The following ITGAL variants were observed in gnomAD, a reference collection of about 807,000 sequenced individuals.
ITGAL encodes integrin alpha-L.
In ITGAL, 68 loss-of-function variants were observed where a neutral mutation model predicts 138.4. The observed-to-expected ratio is 0.49, with a 90% CI of 0.40 to 0.60. ITGAL has a LOEUF of 0.60. Among genes scored for constraint, ITGAL ranks in the 20% least tolerant of loss-of-function variants. The pLI is 0.00. For missense variants in ITGAL, 1,256 were observed against 1,478.6 expected, an observed-to-expected ratio of 0.85 and a Z score of 2.47; for synonymous variants, 561 against 584.3, an observed-to-expected ratio of 0.96 and a Z score of 0.57.
At chr16:30,507,545 G>A (rs1005613661) in intron 21 of ITGAL, among the ~76,000 whole-genome samples, 1 of 151,872 alleles carries the variant, frequency 6.6e-6, no homozygotes, top group African/African-American at 2.4e-5. Flanking sequence ...AGCTACTAGG[G>A]AGGCTGAGGC....
chr16:30,511,170 C>T, intron 24 of ITGAL, 34 bp downstream of exon 24: 1 of 1,537,152 alleles, frequency 6.5e-7, no homozygotes, highest in Non-Finnish European at 9.0e-7. Flanking sequence ...CAACCCTCTC[C>T]TCCCACCGCA....
In ITGAL at chr16:30,517,892, C is replaced by G. The variant is rs745426998; in HGVS notation, c.3129C>G (p.Ile1043Met). 4 of 1,613,460 alleles carry G rather than the reference C, an allele frequency of 2.5e-6. No homozygotes were observed. In the African/African-American group the frequency reaches 5.3e-5, roughly 22 times the overall value. ...GGACTCTGGAGCTGGTGGGAGAGAT[C>G]GAGGTAGTCCCCGCTCCTAAGAGAT... ...VIGTLELVGE[I>M]EASSMFSLCS... The change falls in exon 28 of 31, where the codon ATC (isoleucine) becomes ATG (methionine). Residue 1043 changes from isoleucine to methionine, a missense_variant. By Grantham distance (10) the Ile-to-Met change is conservative. Around this residue, in one of 3 missense-constraint regions of ITGAL, gnomAD observed 867 missense variants for 972.5 expected, o/e 0.89. Coordinates refer to ENST00000356798, the MANE Select transcript of ITGAL (RefSeq NM_002209.3).
intron 15 of ITGAL, 133 bp downstream of exon 15, chr16:30,496,699 T>A: frequency 2.5e-6 from 2 of 790,578 alleles, no homozygotes; most frequent in South Asian, 5.3e-5. Context: ...TGGAGTGCAG[T>A]GGCATGATCA....
At chr16:30,490,276 C>T (rs961337228) in intron 11 of ITGAL, among the ~76,000 whole-genome samples, 3 of 150,806 alleles carry the variant, frequency 2.0e-5, no homozygotes, top group Admixed American at 6.6e-5. Context: ...CAGCCAATTC[C>T]GAGCCCATAT....
Position 30,497,292 on chromosome 16 carries a change from G to A in ITGAL, c.1832+726G>A, listed in dbSNP as rs1396531214. Among the ~76,000 whole-genome samples the A allele has an allele frequency of 7.3e-5, 11 of 151,180 alleles. No individual in the cohort carries two copies. The East Asian group carries it at 2.0e-3, about 28-fold the overall frequency. On this transcript the variant is annotated intron_variant, in intron 15 of 30. Transcript: ENST00000356798. ...CAGGAGGCGGAGCTTGCAGTGAGCC[G>A]AGATCGCGCCCCTGCACTCCAGCCT...
Position 30,497,465 on chromosome 16 carries a change from G to A in ITGAL, c.1832+899G>A, listed in dbSNP as rs567065374. 3.9e-5 allele frequency among the ~76,000 whole-genome samples: 6 copies of A among 151,964 alleles called. No homozygotes were observed. The South Asian group carries it at 1.2e-3, about 32-fold the overall frequency. On this transcript the variant is annotated intron_variant, in intron 15 of 30. Coordinates refer to ENST00000356798, the MANE Select transcript of ITGAL (RefSeq NM_002209.3). ...GAGACCAGCCTGGGCAACACAGTGG[G>A]ACACCATCTGTACTTTTTTTTTTTC... is the stretch of plus-strand genomic sequence containing the variant.
Position 30,521,844 on chromosome 16 carries a change from G to C in ITGAL, c.*179G>C. 3.2e-6 allele frequency: 2 copies of C among 628,818 alleles called. 1 individual carries two copies. Among genetic ancestry groups the C allele is most frequent in the South Asian group, 4.2e-5 (2 of 47,650 alleles). 39.0% of individuals were successfully genotyped at this position (628,818 alleles called of 1,614,324 possible). A position where few individuals can be genotyped will look rare whatever the true frequency, so the allele number is the denominator to read the frequency against. On this transcript the variant is annotated 3_prime_UTR_variant, in exon 31 of 31. Coordinates refer to ENST00000356798, the MANE Select transcript of ITGAL (RefSeq NM_002209.3). ...CCTGTCTCCTTTGCAGGCTCATAGG[G>C]AAGACCTGCTGAGGGACCAGCCAAG...
At chr16:30,513,445 C>T (rs548472281) in intron 24 of ITGAL, among the ~76,000 whole-genome samples, 3 of 152,254 alleles carry the variant, frequency 2.0e-5, no homozygotes, top group Non-Finnish European at 1.5e-5. Flanking sequence ...CGAGGGGCAT[C>T]AGCAGTGGAT....
At chr16:30,499,721 A>ATG (rs1368344491) in intron 17 of ITGAL, among the ~76,000 whole-genome samples, 3 of 78,964 alleles carry the variant, frequency 3.8e-5, no homozygotes, top group African/African-American at 5.7e-5. Flanking sequence ...ATGTATATAT[A>ATG]TATATATATA....
chr16:30,474,520 G>T, intron 2 of ITGAL: 2 of 556,354 alleles, frequency 3.6e-6, no homozygotes, highest in Non-Finnish European at 6.5e-6. Flanking sequence ...TGCAGAACAG[G>T]GAAGGATCCC....
intron 10 of ITGAL, 23 bp from the exon 11 acceptor site, chr16:30,489,231 C>T (rs375235550): frequency 7.2e-5 from 117 of 1,613,814 alleles, no homozygotes; most frequent in Middle Eastern, 1.6e-4. Flanking sequence ...GTAGCTGACC[C>T]GCTCATCTCC....
intron 6 of ITGAL, chr16:30,480,982 A>T (rs1455626807): frequency 5.6e-6 from 1 of 177,590 alleles, no homozygotes; most frequent in East Asian, 1.8e-4. Flanking sequence ...GGGAGACAGA[A>T]CAAGACCCTG....
intron 21 of ITGAL, among the ~76,000 whole-genome samples, chr16:30,510,000 T>C (rs1376576597): frequency 6.6e-6 from 1 of 151,454 alleles, no homozygotes; most frequent in Non-Finnish European, 1.5e-5. Context: ...GATCGCACCA[T>C]TGCACTCTAG....
chr16:30,513,472 T>G (rs1567489369), intron 24 of ITGAL, among the ~76,000 whole-genome samples: 1 of 152,102 alleles, frequency 6.6e-6, no homozygotes, highest in Non-Finnish European at 1.5e-5. Flanking sequence ...ATCTAGGAGA[T>G]GAGCAGGGCC....
chr16:30,474,606 AGTCT>A, intron 2 of ITGAL: 1 of 357,176 alleles, frequency 2.8e-6, no homozygotes, highest in Middle Eastern at 8.4e-4. Context: ...GGAAGCCAGG[AGTCT>A]GTTCTCTCTT....
chr16:30,500,104 G>A (rs1422748864), intron 17 of ITGAL, among the ~76,000 whole-genome samples: 1 of 132,348 alleles, frequency 7.6e-6, no homozygotes, highest in Non-Finnish European at 1.6e-5. Flanking sequence ...TTATTTATTT[G>A]AGACAGAGTC....
chr16:30,474,843 C>CTT (rs1316639559), intron 2 of ITGAL, among the ~76,000 whole-genome samples: 1 of 135,200 alleles, frequency 7.4e-6, no homozygotes, highest in African/African-American at 3.0e-5. Context: ...ACGGAGGCAT[C>CTT]TTCTTTTTTT....
chr16:30,473,389 T>G (rs1203545373), intron 1 of ITGAL, among the ~76,000 whole-genome samples: 1 of 152,198 alleles, frequency 6.6e-6, no homozygotes, highest in Non-Finnish European at 1.5e-5. Context: ...GCCAAGCTCG[T>G]GCCAATGCAC....
chr16:30,505,559 T>C, intron 20 of ITGAL, 97 bp downstream of exon 20: 1 of 901,668 alleles, frequency 1.1e-6, no homozygotes, highest in East Asian at 2.4e-5. Flanking sequence ...ACCACTTCCC[T>C]CTCTTGGGCC....
Sources: allele counts gnomAD v4.1 joint callset (sites outside exome capture counted in the v4.1 genomes callset), GRCh38; gene constraint gnomAD v4.1.1; regional missense constraint gnomAD v4.1.1; transcripts MANE v1.5; gene names NCBI Gene and HGNC (gene_info 2026-07-23, HGNC 2026-07-21).